Variants in KIF17 observed in about 807,000 individuals in gnomAD.
KIF17 encodes the protein kinesin family member 17, also known as kinesin-like protein KIF17.
In KIF17, 80 loss-of-function variants were observed where a neutral mutation model predicts 96.8. The ratio of observed to expected loss-of-function variants is 0.83; its 90% CI spans 0.69 to 1.00. The LOEUF (loss-of-function observed/expected upper bound fraction) is 1.00, where lower values mean the gene tolerates loss of function less well. KIF17 is among the 50% of genes least tolerant of loss of function. The pLI, the probability that KIF17 is intolerant of heterozygous loss-of-function variation, is 0.00. For synonymous variants in KIF17, 567 were observed against 587.5 expected, an observed-to-expected ratio of 0.97 and a Z score of 0.51; for missense variants, 1,280 against 1,372.9, an observed-to-expected ratio of 0.93 and a Z score of 1.07.
Position 20,717,567 on chromosome 1 carries a change from T to G in KIF17, c.140A>C (p.Glu47Ala). ...GTCGAAGGTGAACTGCTTGGGCGGC[T>G]CGTCGGCGGCGCCCGGGTTCTGGAT... Reference protein sequence around the residue: ...CCIQNPGAADEPPKQFTFDGA... With the variant: ...CCIQNPGAADAPPKQFTFDGA... Residue 47 changes from glutamate (E) to alanine (A), a missense_variant, in exon 1 of 15, where the codon GAG becomes GCG. By Grantham distance (107) the Glu-to-Ala change is moderately radical. Transcript: ENST00000400463. 6.2e-7 allele frequency: 1 copy of G among 1,611,804 alleles called. No individual in the cohort carries two copies. The highest frequency in any genetic ancestry group is 8.5e-7 in the Non-Finnish European group (1 of 1,179,602).
rs548165825 is a variant in KIF17, at chr1:20,685,129, C to T, written c.2020-109G>A. On this transcript the variant is annotated intron_variant, in intron 9 of 14. Transcript: ENST00000400463. The surrounding 1 kb of genome is among the most constrained non-coding windows in gnomAD (Gnocchi z 4.1). ...GGGGCCATTCCGCCTGCTGCAGCCCCGACAGATCACCTCCAGCTCAGGGAC... is the reference window on the plus strand; with the variant it reads ...GGGGCCATTCCGCCTGCTGCAGCCCTGACAGATCACCTCCAGCTCAGGGAC... 4.9e-6 allele frequency: 4 copies of T among 822,816 alleles called. No individual in the cohort carries two copies. Among genetic ancestry groups the T allele is most frequent in the East Asian group, 2.7e-5 (1 of 37,578 alleles). The allele number at this position is 822,816 out of a possible 1,614,324, so 51.0% of individuals were successfully genotyped here.
At position 20,664,377 on chromosome 1, in the gene KIF17, G is replaced by T; in HGVS notation, c.*207C>A. Reference sequence around the variant, plus strand: ...AGCTGGAGCAGGCCTCTCTAAGGAGGACTATACAGCCTCCGAGGGGCTCCT... The same window carrying T: ...AGCTGGAGCAGGCCTCTCTAAGGAGTACTATACAGCCTCCGAGGGGCTCCT... On this transcript the variant is annotated 3_prime_UTR_variant, in exon 15 of 15. Coordinates refer to ENST00000400463, the MANE Select transcript of KIF17 (RefSeq NM_001122819.3). 6.8e-7 allele frequency: 1 copy of T among 1,463,282 alleles called. No homozygotes were observed. Among genetic ancestry groups the T allele is most frequent in the Non-Finnish European group, 9.0e-7 (1 of 1,112,828 alleles). 90.6% of individuals were successfully genotyped at this position (1,463,282 alleles called of 1,614,324 possible).
Position 20,717,741 on chromosome 1 carries a change from AC to A in KIF17, c.-36del, listed in dbSNP as rs2154538203. 1 of 1,513,594 alleles carries A rather than the reference AC, an allele frequency of 6.6e-7. No homozygotes were observed. The allele number at this position is 1,513,594 out of a possible 1,614,324, so 93.8% of individuals were successfully genotyped here. Reference sequence around the variant, plus strand: ...CCCAGGACCAACGGGACCAGAGCTGACCCCCGCCCCGCCGGGGACTCCCAGC... The same window carrying A: ...CCCAGGACCAACGGGACCAGAGCTGACCCCGCCCCGCCGGGGACTCCCAGC... On this transcript the variant is annotated 5_prime_UTR_variant, in exon 1 of 15. Coordinates refer to ENST00000400463, the MANE Select transcript of KIF17 (RefSeq NM_001122819.3).
chr1:20,686,814 G>T (rs1012260606), intron 8 of KIF17, among the ~76,000 whole-genome samples: 1 of 152,236 alleles, frequency 6.6e-6, no homozygotes, highest in Non-Finnish European at 1.5e-5. Context: ...ACCCACCTCG[G>T]TCTCCCAAAG....
chr1:20,702,073 C>T (rs1417531784), intron 5 of KIF17, among the ~76,000 whole-genome samples: 10 of 152,160 alleles, frequency 6.6e-5, no homozygotes, highest in Admixed American at 2.6e-4. Context: ...TGGAGCCCAC[C>T]GTGCCAGGCC....
chr1:20,709,805 G>T lies in KIF17; in HGVS notation c.504C>A (p.Gly168=), dbSNP rs144285910. The part of the protein sequence containing the change: ...KLELKEHPEK[G]VYVKGLSMHT... Reference sequence around the variant, plus strand: ...GCATGGACAGCCCCTTCACGTACACGCCCTTCTCTGGGTGCTCCTTCAGCT... The same window carrying T: ...GCATGGACAGCCCCTTCACGTACACTCCCTTCTCTGGGTGCTCCTTCAGCT... Residue 168 remains glycine (G), a synonymous_variant, in exon 4 of 15, where the codon GGC becomes GGA. Transcript: ENST00000400463. The surrounding 1 kb of genome is among the most constrained non-coding windows in gnomAD (Gnocchi z 4.7). 6 of 1,612,392 alleles carry T rather than the reference G, an allele frequency of 3.7e-6. No homozygotes were observed. The East Asian group carries it at 6.7e-5, about 18-fold the overall frequency.
intron 2 of KIF17, among the ~76,000 whole-genome samples, chr1:20,715,285 G>A (rs1443720511): frequency 6.6e-6 from 1 of 152,182 alleles, no homozygotes; most frequent in South Asian, 2.1e-4. Flanking sequence ...AGGGTTAGAA[G>A]GCAAAAATGG....
In KIF17 at chr1:20,699,207, C is replaced by T. The variant is rs919138015; in HGVS notation, c.1124-719G>A. On this transcript the variant is annotated intron_variant, in intron 5 of 14. Transcript: ENST00000400463. The surrounding 1 kb of genome is among the most constrained non-coding windows in gnomAD (Gnocchi z 4.3). ...CAAGCAATCTTCTCATCTCGGCCTG[C>T]GAAAGTGCTGGGATTACAGGGGTGA... Among the ~76,000 whole-genome samples, 1 of 152,112 alleles carries T rather than the reference C, an allele frequency of 6.6e-6. No homozygotes were observed. Among genetic ancestry groups the T allele is most frequent in the African/African-American group, 2.4e-5 (1 of 41,420 alleles).
chr1:20,687,584 A>G lies in KIF17; in HGVS notation c.1742T>C (p.Leu581Pro). The G allele has an allele frequency of 6.2e-7, 1 of 1,613,954 alleles. No homozygotes were observed. Among genetic ancestry groups the G allele is most frequent in the South Asian group, 1.1e-5 (1 of 91,068 alleles). The change falls in exon 8 of 15, where the codon CTC becomes CCC. Residue 581 changes from leucine (L) to proline (P), a missense_variant. Transcript: ENST00000400463. The surrounding 1 kb of genome is among the most constrained non-coding windows in gnomAD (Gnocchi z 4.4). ...SRSRYFLDECLGQEAAGHLLG... is the reference protein window; with the variant it reads ...SRSRYFLDECPGQEAAGHLLG... ...CAGGTGCCCAGCGGCCTCCTGCCCGAGGCACTCATCCAGGAAGTATCTGCT... is the reference window on the plus strand; with the variant it reads ...CAGGTGCCCAGCGGCCTCCTGCCCGGGGCACTCATCCAGGAAGTATCTGCT...
chr1:20,682,900 A>G lies in KIF17; in HGVS notation c.2232-16T>C. 1 of 1,604,146 alleles carries G rather than the reference A, an allele frequency of 6.2e-7. No individual in the cohort carries two copies. The highest frequency in any genetic ancestry group is 8.5e-7 in the Non-Finnish European group (1 of 1,176,896). On this transcript the variant is annotated splice_polypyrimidine_tract_variant and intron_variant, in intron 10 of 14. Coordinates refer to ENST00000400463, the MANE Select transcript of KIF17 (RefSeq NM_001122819.3). ...CAGCTGCAGACTGCCGGCGTGGAGG[A>G]GAAAGCAAACAAGACAATATCTGCC...
At chr1:20,707,837 A>G (rs868695732) in intron 4 of KIF17, among the ~76,000 whole-genome samples, 11 of 125,836 alleles carry the variant, frequency 8.7e-5, no homozygotes, top group Middle Eastern at 4.1e-3. Flanking sequence ...GTGTGTGTGT[A>G]TAAAAAATAT....
At position 20,700,081 on chromosome 1, in the gene KIF17, T is replaced by C. The variant is rs2054207082; in HGVS notation, c.1124-1593A>G. ...AGCCAGTTTTTGTTTTGTTTTGTTT[T>C]GTTTTTTGAGACGGGGTCTTTGCTC... On this transcript the variant is annotated intron_variant, in intron 5 of 14. Coordinates refer to ENST00000400463, the MANE Select transcript of KIF17 (RefSeq NM_001122819.3). The surrounding 1 kb of genome is among the most constrained non-coding windows in gnomAD (Gnocchi z 4.6). 6.6e-6 allele frequency among the ~76,000 whole-genome samples: 1 copy of C among 152,138 alleles called. No individual in the cohort carries two copies. The highest frequency in any genetic ancestry group is 2.4e-5 in the African/African-American group (1 of 41,420).
At chr1:20,662,994 G>A (rs1405023889), downstream of KIF17, among the ~76,000 whole-genome samples, 3 of 152,284 alleles carry the variant, frequency 2.0e-5, no homozygotes, top group East Asian at 5.8e-4. Flanking sequence ...TTGGCAGGCC[G>A]AGGTGGGCAG....
chr1:20,717,264 G>C, intron 1 of KIF17: 2 of 582,588 alleles, frequency 3.4e-6, no homozygotes, highest in South Asian at 4.2e-5. Context: ...GGGAGGCGGA[G>C]ACGCTGGGGA....
At chr1:20,705,779 A>G (rs2054330006) in intron 4 of KIF17, among the ~76,000 whole-genome samples, 1 of 150,174 alleles carries the variant, frequency 6.7e-6, no homozygotes, top group Non-Finnish European at 1.5e-5. Context: ...AGCAAGTCAG[A>G]TGTGATTCTG....
At chr1:20,686,278 A>G in intron 8 of KIF17, 152 bp from the exon 9 acceptor site, 1 of 706,956 alleles carries the variant, frequency 1.4e-6, no homozygotes, top group South Asian at 1.5e-5. Flanking sequence ...AGGAGCACAA[A>G]GGAGGGAAGA....
Position 20,704,648 on chromosome 1 carries a change from T to C in KIF17, c.922A>G (p.Met308Val). The C allele has an allele frequency of 6.2e-7, 1 of 1,614,160 alleles. No homozygotes were observed. The highest frequency in any genetic ancestry group is 8.5e-7 in the Non-Finnish European group (1 of 1,180,010). The change falls in exon 5 of 15, where the codon ATG (methionine) becomes GTG (valine). Residue 308 changes from methionine to valine, a missense_variant. Transcript: ENST00000400463. This position sits in a 1 kb window ranked among gnomAD's most constrained non-coding sequence, Gnocchi z 6.8. Reference protein sequence around the residue: ...DSLGGNTKTLMVACLSPADNN... With the variant: ...DSLGGNTKTLVVACLSPADNN... ...TCCGCAGGCGACAGGCAGGCCACCA[T>C]GAGCGTCTTGGTGTTGCCGCCCAGT...
intron 4 of KIF17, among the ~76,000 whole-genome samples, chr1:20,705,413 C>T (rs946516643): frequency 2.6e-5 from 4 of 152,168 alleles, no homozygotes; most frequent in Non-Finnish European, 4.4e-5. Flanking sequence ...TTCTCAATTC[C>T]CCACATCAAC....
intron 2 of KIF17, among the ~76,000 whole-genome samples, chr1:20,715,062 A>G (rs666371): frequency 0.68 from 102,817 of 152,134 alleles, 35,155 homozygotes; most frequent in East Asian, 0.89. Flanking sequence ...CAACTTGGCC[A>G]ATAAAGGCTC....
Sources: allele counts gnomAD v4.1 joint callset (sites outside exome capture counted in the v4.1 genomes callset), GRCh38; gene constraint gnomAD v4.1.1; non-coding constraint Gnocchi (gnomAD v3.1); transcripts MANE v1.5; gene names NCBI Gene and HGNC (gene_info 2026-07-23, HGNC 2026-07-21).